Variants in TAFA2 observed in about 807,000 individuals in gnomAD.
TAFA2 encodes TAFA chemokine like family member 2.
Under a neutral mutation model 18.8 loss-of-function variants are expected in TAFA2, and 7 were observed. The ratio of observed to expected loss-of-function variants is 0.37; its 90% CI spans 0.21 to 0.70. The LOEUF is 0.70. Ranked by LOEUF, TAFA2 falls within the 30% of genes least tolerant of loss-of-function variation. TAFA2 has a pLI of 0.53. For missense variants in TAFA2, 122 were observed against 158.1 expected (o/e 0.77, Z 1.23); for synonymous variants, 60 against 54.2 (o/e 1.11, Z -0.47).
chr12:61,776,436 C>T (rs1301131274), intron 2 of TAFA2: 1 of 154,386 alleles, frequency 6.5e-6, no homozygotes, highest in Non-Finnish European at 1.4e-5. Context: ...CTCTGGACCG[C>T]ATAAAAGTCA....
chr12:61,859,942 C>T (rs1874060076), intron 2 of TAFA2, among the ~76,000 whole-genome samples: 1 of 152,064 alleles, frequency 6.6e-6, no homozygotes. Context: ...AAGCATGAAA[C>T]ATTTTAACAT....
intron 2 of TAFA2, among the ~76,000 whole-genome samples, chr12:61,831,887 T>C (rs910431549): frequency 6.6e-6 from 1 of 151,966 alleles, no homozygotes; most frequent in Non-Finnish European, 1.5e-5. Flanking sequence ...TGTGTGATGA[T>C]CCCCTTTGGA....
chr12:62,091,732 A>G (rs1390554822), intron 1 of TAFA2, among the ~76,000 whole-genome samples: 1 of 151,992 alleles, frequency 6.6e-6, no homozygotes, highest in East Asian at 1.9e-4. Context: ...CAGACCCACG[A>G]TAGTCATTCA....
intron 1 of TAFA2, among the ~76,000 whole-genome samples, chr12:62,249,361 T>G (rs1592419910): frequency 6.6e-6 from 1 of 152,082 alleles, no homozygotes; most frequent in African/African-American, 2.4e-5. Flanking sequence ...ATTTCCAGGC[T>G]GCAGTCCTCA....
At chr12:62,074,698 ATTTT>A (rs67195424) in intron 1 of TAFA2, among the ~76,000 whole-genome samples, 1,830 of 137,636 alleles carry the variant, frequency 0.013, 36 homozygotes, top group African/African-American at 0.05. Flanking sequence ...AACTACATGA[ATTTT>A]TTTTTTTTTT....
At position 61,973,570 on chromosome 12, in the gene TAFA2, A is replaced by G. The variant is rs150278985; in HGVS notation, c.-1-106144T>C. Among the ~76,000 whole-genome samples the G allele has an allele frequency of 3.1e-3, 463 of 151,766 alleles. 3 individuals are homozygous for G. The highest frequency in any genetic ancestry group is 4.8e-3 in the Non-Finnish European group (325 of 67,748). ...TTTTAAAAATTTCAAATCCCAAGCT[A>G]TCACCCAGAACAATTATATCTCAAT... On this transcript the variant is annotated intron_variant, in intron 1 of 4. Coordinates refer to ENST00000416284, the MANE Select transcript of TAFA2 (RefSeq NM_178539.5).
intron 1 of TAFA2, chr12:61,879,269 C>T (rs376646903): frequency 1.9e-5 from 8 of 420,566 alleles, no homozygotes; most frequent in African/African-American, 4.1e-5. Flanking sequence ...CACTCCTTCT[C>T]GAATCTCCGC....
At position 61,852,206 on chromosome 12, in the gene TAFA2, C is replaced by CA. The variant is rs200785282; in HGVS notation, c.106+15113dup. 8.7e-3 allele frequency among the ~76,000 whole-genome samples: 723 copies of CA among 82,990 alleles called. 3 individuals are homozygous for CA. The highest frequency in any genetic ancestry group is 0.018 in the African/African-American group (521 of 28,322). The allele number at this position is 82,990 out of a possible 152,430, so 54.4% of individuals were successfully genotyped here. A position where few individuals can be genotyped will look rare whatever the true frequency, so the allele number is the denominator to read the frequency against. Reference sequence around the variant, plus strand: ...GGGCAACAAGAGCGAAACTTCGTCTCAAAAAAAAAAAAAAAAGAATTGCAA... The same window carrying CA: ...GGGCAACAAGAGCGAAACTTCGTCTCAAAAAAAAAAAAAAAAAGAATTGCAA... On this transcript the variant is annotated intron_variant, in intron 2 of 4. Transcript: ENST00000416284.
intron 2 of TAFA2, among the ~76,000 whole-genome samples, chr12:61,767,685 C>T (rs141319645): frequency 4.6e-5 from 7 of 152,092 alleles, no homozygotes; most frequent in African/African-American, 1.7e-4. Context: ...TACACTTCAG[C>T]AATTTCAGTA....
At chr12:61,973,408 T>G (rs1045741474) in intron 1 of TAFA2, among the ~76,000 whole-genome samples, 434 of 148,544 alleles carry the variant, frequency 2.9e-3, no homozygotes, top group South Asian at 6.1e-3. Flanking sequence ...TTTTTTTTTT[T>G]TTTTTTAGTT....
At chr12:61,860,720 C>A (rs371878221) in intron 2 of TAFA2, among the ~76,000 whole-genome samples, 1 of 152,162 alleles carries the variant, frequency 6.6e-6, no homozygotes, top group African/African-American at 2.4e-5. Flanking sequence ...ATGTCTAGCC[C>A]TTCCTCTGTC....
At chr12:62,046,012 T>C (rs1380386762) in intron 1 of TAFA2, among the ~76,000 whole-genome samples, 3 of 152,044 alleles carry the variant, frequency 2.0e-5, no homozygotes, top group Non-Finnish European at 4.4e-5. Context: ...ATAAGATGAA[T>C]GGTGAAATCG....
intron 2 of TAFA2, among the ~76,000 whole-genome samples, chr12:61,755,256 T>C (rs1226702523): frequency 5.3e-5 from 8 of 152,132 alleles, no homozygotes; most frequent in Admixed American, 3.9e-4. Flanking sequence ...AGTGACTAGA[T>C]TAGAATAAGC....
At chr12:62,225,991 C>G (rs2062784623) in intron 1 of TAFA2, among the ~76,000 whole-genome samples, 2 of 152,192 alleles carry the variant, frequency 1.3e-5, no homozygotes, top group South Asian at 4.1e-4. Flanking sequence ...CAGATGATCT[C>G]ACATAACATG....
chr12:61,896,490 T>C (rs969358866), intron 1 of TAFA2, among the ~76,000 whole-genome samples: 6 of 152,230 alleles, frequency 3.9e-5, no homozygotes, highest in Non-Finnish European at 5.9e-5. Context: ...CTTAGATTCA[T>C]GTTCACATCA....
intron 1 of TAFA2, among the ~76,000 whole-genome samples, chr12:62,187,446 C>A (rs147553736): frequency 1.3e-4 from 20 of 152,244 alleles, no homozygotes; most frequent in African/African-American, 4.6e-4. Flanking sequence ...TCTGATCACC[C>A]TGTTACGTAA....
rs368962088 is a variant in TAFA2 at position 61,994,038 on chromosome 12, A to C, written c.-1-126612T>G. On this transcript the variant is annotated intron_variant, in intron 1 of 4. Coordinates refer to ENST00000416284, the MANE Select transcript of TAFA2 (RefSeq NM_178539.5). Reference sequence around the variant, plus strand: ...ACTAATGGTCCACAACTTTGTAACTAACACTCTTGCTTGCTTTTAAGTAAT... The same window carrying C: ...ACTAATGGTCCACAACTTTGTAACTCACACTCTTGCTTGCTTTTAAGTAAT... Among the ~76,000 whole-genome samples, 4 of 152,162 alleles carry C rather than the reference A, an allele frequency of 2.6e-5. No individual in the cohort carries two copies. The East Asian group carries it at 7.7e-4, about 29-fold the overall frequency.
At chr12:62,168,601 G>A (rs2062455508) in intron 1 of TAFA2, among the ~76,000 whole-genome samples, 2 of 152,156 alleles carry the variant, frequency 1.3e-5, no homozygotes, top group Admixed American at 1.3e-4. Context: ...TTGGGAGGCT[G>A]AGGCAGAAGG....
At chr12:61,803,485 T>G (rs535397246) in intron 2 of TAFA2, among the ~76,000 whole-genome samples, 2 of 152,040 alleles carry the variant, frequency 1.3e-5, no homozygotes, top group African/African-American at 4.8e-5. Context: ...CTATATACAC[T>G]AAACAAGAAG....
Sources: gnomAD v4.1 joint callset for allele counts (sites outside exome capture counted in the v4.1 genomes callset) on GRCh38, gnomAD v4.1.1 for gene constraint, MANE v1.5 for transcripts, NCBI Gene and HGNC (gene_info 2026-07-23, HGNC 2026-07-21) for gene names.